SYNRG: variants seen among roughly 807,000 people sequenced by gnomAD.
The protein encoded by SYNRG is AP1 gamma subunit binding protein 1.
In SYNRG, 37 loss-of-function variants were observed where a neutral mutation model predicts 130.9. The observed-to-expected ratio is 0.28, with a 90% CI of 0.22 to 0.37. The LOEUF (loss-of-function observed/expected upper bound fraction) is 0.37. SYNRG is among the 10% of genes least tolerant of loss of function. The pLI is 1.00. For synonymous variants in SYNRG, 539 were observed against 568.1 expected (o/e 0.95, Z 0.73); for missense variants, 1,338 against 1,588.9 (o/e 0.84, Z 2.68).
chr17:37,557,468 A>C (rs1427413474), intron 13 of SYNRG, among the ~76,000 whole-genome samples: 1 of 152,266 alleles, frequency 6.6e-6, no homozygotes, highest in African/African-American at 2.4e-5. Flanking sequence ...AATAAAATCT[A>C]TTCTCCTAAA....
At chr17:37,529,877 A>AT (rs2056432425) in intron 19 of SYNRG, 1 of 1,549,708 alleles carries the variant, frequency 6.5e-7, no homozygotes, top group South Asian at 1.2e-5. Flanking sequence ...TGGGTGGCTG[A>AT]TTTGGGGGTT....
intron 1 of SYNRG, among the ~76,000 whole-genome samples, chr17:37,608,942 G>A (rs532824366): frequency 2.0e-5 from 3 of 152,274 alleles, no homozygotes; most frequent in African/African-American, 7.2e-5. Flanking sequence ...TCGCTTCAGA[G>A]GCAGCTAGGA....
intron 11 of SYNRG, among the ~76,000 whole-genome samples, chr17:37,563,441 A>AT (rs1301449932): frequency 2.0e-5 from 3 of 152,250 alleles, no homozygotes; most frequent in Non-Finnish European, 4.4e-5. Context: ...ACCCTGCTAA[A>AT]TATATACATT....
Position 37,584,525 on chromosome 17 carries a change from C to T in SYNRG, c.589+123G>A, listed in dbSNP as rs927042992. On this transcript the variant is annotated intron_variant, in intron 6 of 21. Coordinates refer to ENST00000612223, the MANE Select transcript of SYNRG (RefSeq NM_007247.6). Reference sequence around the variant, plus strand: ...ATATTTGAGAACATCCAAATCTGTACTTAGCTTGAAGGAAGAGTTCTACAT... The same window carrying T: ...ATATTTGAGAACATCCAAATCTGTATTTAGCTTGAAGGAAGAGTTCTACAT... The T allele has an allele frequency of 1.5e-5, 11 of 744,646 alleles. 1 individual carries two copies. Among genetic ancestry groups the T allele is most frequent in the Admixed American group, 9.5e-5 (4 of 42,042 alleles). The allele number at this position is 744,646 out of a possible 1,614,324, so 46.1% of individuals were successfully genotyped here.
chr17:37,530,172 C>A (rs909666729), intron 19 of SYNRG, among the ~76,000 whole-genome samples: 1 of 152,120 alleles, frequency 6.6e-6, no homozygotes, highest in Admixed American at 6.6e-5. Context: ...CCAACCTGTC[C>A]CTCTGAAGGA....
Position 37,609,412 on chromosome 17 carries a change from T to A in SYNRG, c.-57A>T. The A allele has an allele frequency of 3.6e-5, 49 of 1,358,296 alleles. No individual in the cohort carries two copies. Among genetic ancestry groups the A allele is most frequent in the Non-Finnish European group, 4.3e-5 (46 of 1,057,564 alleles). The allele number at this position is 1,358,296 out of a possible 1,614,324, so 84.1% of individuals were successfully genotyped here. On this transcript the variant is annotated 5_prime_UTR_variant, in exon 1 of 22. Transcript: ENST00000612223. ...CGCCACCTTATCAGCAGCTGTCAGC[T>A]GAACACAGCCACTTCCGGGTCAAAC...
intron 6 of SYNRG, among the ~76,000 whole-genome samples, chr17:37,581,765 C>CTT (rs398041650): frequency 2.0e-4 from 21 of 105,294 alleles, no homozygotes; most frequent in African/African-American, 3.9e-4. Context: ...CATTTTTTTT[C>CTT]TTTTTTTTTT....
rs146931402 is a variant in SYNRG, at chr17:37,602,056, C to T, written c.78-1653G>A. Among the ~76,000 whole-genome samples, 54 of 152,136 alleles carry T rather than the reference C, an allele frequency of 3.5e-4. 1 individual carries two copies. Among genetic ancestry groups the T allele is most frequent in the Middle Eastern group, 6.8e-3 (2 of 294 alleles). ...TAAAGGTTAAAAAGTTAAGCTCTGG[C>T]CAGGCGCAGTGGCTCACGTCTGTAA... is the stretch of plus-strand genomic sequence containing the variant. On this transcript the variant is annotated intron_variant, in intron 1 of 21. Coordinates refer to ENST00000612223, the MANE Select transcript of SYNRG (RefSeq NM_007247.6).
chr17:37,571,538 C>T (rs1359833308), intron 9 of SYNRG, among the ~76,000 whole-genome samples: 1 of 152,116 alleles, frequency 6.6e-6, no homozygotes, highest in African/African-American at 2.4e-5. Flanking sequence ...GCTGAGATCT[C>T]GCCACTGCAC....
intron 1 of SYNRG, among the ~76,000 whole-genome samples, chr17:37,602,616 T>C (rs1234678235): frequency 6.6e-6 from 1 of 152,118 alleles, no homozygotes; most frequent in Non-Finnish European, 1.5e-5. Flanking sequence ...GATTGTTAAG[T>C]GAGTTAGTTT....
Position 37,536,056 on chromosome 17 carries a change from T to C in SYNRG, c.3589A>G (p.Lys1197Glu). ...GIKATAVCSE[K>E]LQQLLKDIDK... ...ATGTCCTTCAGCAACTGCTGGAGTT[T>C]CTCACTGCACACTGCAGTGGCTTTT... The change falls in exon 19 of 22, where the codon AAA becomes GAA. Residue 1197 changes from lysine (K) to glutamate (E), a missense_variant. Lys to Glu is a moderately conservative substitution (Grantham distance 56, BLOSUM62 1). Around this residue, in one of 3 missense-constraint regions of SYNRG, gnomAD observed 1,146 missense variants for 1,342.3 expected, o/e 0.85. Transcript: ENST00000612223. The C allele has an allele frequency of 6.2e-7, 1 of 1,614,172 alleles. No individual in the cohort carries two copies. Among genetic ancestry groups the C allele is most frequent in the Non-Finnish European group, 8.5e-7 (1 of 1,180,028 alleles).
chr17:37,561,226 T>C lies in SYNRG; in HGVS notation c.1632A>G (p.Glu544=), dbSNP rs752545037. 2 of 1,613,780 alleles carry C rather than the reference T, an allele frequency of 1.2e-6. No individual in the cohort carries two copies. Among genetic ancestry groups the C allele is most frequent in the African/African-American group, 2.7e-5 (2 of 74,894 alleles). Residue 544 remains glutamate (E), a synonymous_variant, in exon 13 of 22, where the codon GAA becomes GAG. Transcript: ENST00000612223. The stretch of plus-strand genomic sequence containing the variant: ...GTTTATTCTCTGCTGTCTGTTCAAG[T>C]TCTCTGAAAGCACTATATTTATCAC... The part of the protein sequence containing the change: ...DPGDKYSAFR[E]LEQTAENKPL...
At chr17:37,607,528 C>CCTGT (rs900076965) in intron 1 of SYNRG, among the ~76,000 whole-genome samples, 1 of 152,146 alleles carries the variant, frequency 6.6e-6, no homozygotes, top group African/African-American at 2.4e-5. Flanking sequence ...GTGACTCAAG[C>CCTGT]CTGTAATTCT....
intron 3 of SYNRG, among the ~76,000 whole-genome samples, chr17:37,593,197 G>C (rs1252121636): frequency 6.6e-6 from 1 of 152,122 alleles, no homozygotes; most frequent in African/African-American, 2.4e-5. Context: ...TGGATCACTT[G>C]AGGTCAAGAG....
intron 13 of SYNRG, among the ~76,000 whole-genome samples, chr17:37,560,800 G>A (rs1374790760): frequency 6.6e-6 from 1 of 151,510 alleles, no homozygotes; most frequent in Non-Finnish European, 1.5e-5. Context: ...GAGTACCCGG[G>A]ACTACAGGTG....
At chr17:37,562,800 G>C (rs189106077) in intron 11 of SYNRG, among the ~76,000 whole-genome samples, 33 of 152,120 alleles carry the variant, frequency 2.2e-4, no homozygotes, top group African/African-American at 7.2e-4. Flanking sequence ...ACAGTTCACT[G>C]TACAGAATGT....
In SYNRG at chr17:37,586,668, T is replaced by C. The variant is rs2061715219; in HGVS notation, c.241-119A>G. ...CTTATTTGTAAAAAATAGAAATATA[T>C]TGGATTAAAAGATGCAAAGATGCAA... On this transcript the variant is annotated intron_variant, in intron 3 of 21. Transcript: ENST00000612223. 7.5e-6 allele frequency: 9 copies of C among 1,192,182 alleles called. No homozygotes were observed. The Admixed American group carries it at 9.8e-5, about 13-fold the overall frequency. 73.9% of individuals were successfully genotyped at this position (1,192,182 alleles called of 1,614,324 possible). A position where few individuals can be genotyped will look rare whatever the true frequency, so the allele number is the denominator to read the frequency against.
At chr17:37,586,579 C>T in intron 3 of SYNRG, 30 bp from the exon 4 acceptor site, 1 of 1,612,776 alleles carries the variant, frequency 6.2e-7, no homozygotes, top group Non-Finnish European at 8.5e-7. Context: ...GCTTAAAAAA[C>T]ACAATTTATC....
rs2054499155 is a variant in SYNRG, at chr17:37,517,245, TAGC to T, written c.*1692_*1694del. On this transcript the variant is annotated 3_prime_UTR_variant, in exon 22 of 22. Transcript: ENST00000612223. Reference sequence around the variant, plus strand: ...AAAACAAAGAATTTTTAAGGCCAATTAGCAGCCTGCTTGCATTCCAGCTCCATG... The same window carrying T: ...AAAACAAAGAATTTTTAAGGCCAATTAGCCTGCTTGCATTCCAGCTCCATG... 6.6e-6 allele frequency: 1 copy of T among 152,604 alleles called. No homozygotes were observed. Among genetic ancestry groups the T allele is most frequent in the Admixed American group, 6.6e-5 (1 of 15,258 alleles). The allele number at this position is 152,604 out of a possible 1,614,324, so 9.5% of individuals were successfully genotyped here. A position where few individuals can be genotyped will look rare whatever the true frequency, so the allele number is the denominator to read the frequency against.
Sources: allele counts gnomAD v4.1 joint callset (sites outside exome capture counted in the v4.1 genomes callset), GRCh38; gene constraint gnomAD v4.1.1; regional missense constraint gnomAD v4.1.1; transcripts MANE v1.5; gene names NCBI Gene and HGNC (gene_info 2026-07-23, HGNC 2026-07-21).